Variants in PDXP observed in about 807,000 individuals in gnomAD.
PDXP encodes the protein pyridoxal phosphatase, also known as chronophin.
Under a neutral mutation model 14.4 loss-of-function variants are expected in PDXP, and 15 were observed. The observed-to-expected ratio is 1.04, with a 90% confidence interval of 0.70 to 1.60. PDXP has a LOEUF of 1.60. Among genes scored for constraint, PDXP ranks in the 40% most tolerant of loss-of-function variants. The pLI is 0.00. For missense variants in PDXP, 413 were observed against 427.6 expected (o/e 0.97, Z 0.30); for synonymous variants, 233 against 205.6 (o/e 1.13, Z -1.14).
Position 37,658,960 on chromosome 22 carries a change from A to G in PDXP, c.178A>G (p.Asn60Asp). The change falls in exon 1 of 2, where the codon AAC becomes GAC. Residue 60 changes from asparagine (N) to aspartate (D), a missense_variant. By Grantham distance (23) the Asn-to-Asp change is conservative (BLOSUM62 1). Coordinates refer to ENST00000215904, the MANE Select transcript of PDXP (RefSeq NM_020315.5). The part of the protein sequence containing the change: ...AGKAALFVSN[N>D]SRRARPELAL... ...CAAGGCGGCTCTGTTTGTGAGCAAC[A>G]ACAGCCGGCGCGCGCGGCCCGAGCT... The G allele has an allele frequency of 8.3e-7, 1 of 1,208,528 alleles. No individual in the cohort carries two copies. The highest frequency in any genetic ancestry group is 1.0e-6 in the Non-Finnish European group (1 of 970,972). 74.9% of individuals were successfully genotyped at this position (1,208,528 alleles called of 1,614,324 possible). A position where few individuals can be genotyped will look rare whatever the true frequency, so the allele number is the denominator to read the frequency against.
chr22:37,663,016 A>G (rs985565629), intron 1 of PDXP, among the ~76,000 whole-genome samples: 1 of 144,954 alleles, frequency 6.9e-6, no homozygotes, highest in Admixed American at 6.9e-5. Context: ...AAAGATTACC[A>G]TGGGCCGGTT....
Position 37,659,226 on chromosome 22 carries a change from G to A in PDXP, c.444G>A (p.Val148=), listed in dbSNP as rs748338379. The change falls in exon 1 of 2, where the codon GTG becomes GTA. Residue 148 remains valine (V), a synonymous_variant. Transcript: ENST00000215904. ...GAAPRVRAVL[V]GYDEHFSFAK... is the part of the protein sequence containing the mutation. ...CCCCGCGCGTGCGCGCCGTGCTTGT[G>A]GGCTACGACGAGCACTTCTCCTTCG... 7.6e-7 allele frequency: 1 copy of A among 1,312,234 alleles called. No individual in the cohort carries two copies. Among genetic ancestry groups the A allele is most frequent in the South Asian group, 2.5e-5 (1 of 40,214 alleles). The allele number at this position is 1,312,234 out of a possible 1,614,324, so 81.3% of individuals were successfully genotyped here.
intron 1 of PDXP, among the ~76,000 whole-genome samples, chr22:37,664,751 A>G (rs1216532470): frequency 6.6e-6 from 1 of 152,172 alleles, no homozygotes; most frequent in Admixed American, 6.5e-5. Flanking sequence ...GTGAGGCAGG[A>G]TGGTACTGGG....
intron 1 of PDXP, among the ~76,000 whole-genome samples, chr22:37,661,178 C>T (rs1271893544): frequency 1.3e-5 from 2 of 152,138 alleles, no homozygotes; most frequent in Non-Finnish European, 2.9e-5. Context: ...GCCTTGCAGG[C>T]GTCTGTGGAA....
At chr22:37,662,969 CAG>C (rs1027000442) in intron 1 of PDXP, among the ~76,000 whole-genome samples, 5 of 150,816 alleles carry the variant, frequency 3.3e-5, no homozygotes, top group Admixed American at 6.6e-5. Flanking sequence ...GCCTGGGTGA[CAG>C]AGCGAGACTC....
chr22:37,666,009 G>T lies in PDXP; in HGVS notation c.*138G>T. The T allele has an allele frequency of 1.1e-6, 1 of 905,004 alleles. No homozygotes were observed. Among genetic ancestry groups the T allele is most frequent in the Non-Finnish European group, 1.7e-6 (1 of 596,472 alleles). The allele number at this position is 905,004 out of a possible 1,614,324, so 56.1% of individuals were successfully genotyped here. On this transcript the variant is annotated 3_prime_UTR_variant, in exon 2 of 2. Transcript: ENST00000215904. ...CACCGGGGTGGGGCTGGGACCCGGG[G>T]AAGGTTTGAGGGCCCTTGCAACCCC...
At chr22:37,664,092 G>A (rs1053583731) in intron 1 of PDXP, among the ~76,000 whole-genome samples, 4 of 151,506 alleles carry the variant, frequency 2.6e-5, no homozygotes, top group African/African-American at 9.7e-5. Context: ...CGCCATGCCT[G>A]GCTAATTTTT....
Position 37,658,968 on chromosome 22 carries a change from G to T in PDXP, c.186G>T (p.Arg62=). Residue 62 remains arginine (R), a synonymous_variant, in exon 1 of 2, where the codon CGG becomes CGT. Transcript: ENST00000215904. ...CTCTGTTTGTGAGCAACAACAGCCG[G>T]CGCGCGCGGCCCGAGCTGGCCCTGC... The part of the protein sequence containing the change: ...KAALFVSNNS[R]RARPELALRF... The T allele has an allele frequency of 8.3e-7, 1 of 1,204,268 alleles. No homozygotes were observed. Among genetic ancestry groups the T allele is most frequent in the African/African-American group, 1.6e-5 (1 of 62,404 alleles). 74.6% of individuals were successfully genotyped at this position (1,204,268 alleles called of 1,614,324 possible).
rs1219384483 is a variant in PDXP at position 37,659,145 on chromosome 22, G to C, written c.363G>C (p.Glu121Asp). Reference sequence around the variant, plus strand: ...TGGGCGGCGAGGGGCTGCGCGCCGAGCTGCGCGCCGCGGGGCTGCGCCTGG... The same window carrying C: ...TGGGCGGCGAGGGGCTGCGCGCCGACCTGCGCGCCGCGGGGCTGCGCCTGG... ...FVLGGEGLRA[E>D]LRAAGLRLAG... Residue 121 changes from glutamate to aspartate, a missense_variant, in exon 1 of 2, where the codon GAG becomes GAC. Coordinates refer to ENST00000215904, the MANE Select transcript of PDXP (RefSeq NM_020315.5). The C allele has an allele frequency of 3.9e-6, 4 of 1,029,828 alleles. No homozygotes were observed. In the East Asian group the frequency reaches 3.4e-4, roughly 89 times the overall value. The allele number at this position is 1,029,828 out of a possible 1,614,324, so 63.8% of individuals were successfully genotyped here.
chr22:37,664,464 G>A (rs1921002603), intron 1 of PDXP, among the ~76,000 whole-genome samples: 1 of 152,110 alleles, frequency 6.6e-6, no homozygotes. Flanking sequence ...GAAACAATCT[G>A]TACTCCCAGG....
rs1933127703 is a variant in PDXP, at chr22:37,658,757, C to T, written c.-26C>T. On this transcript the variant is annotated 5_prime_UTR_variant, in exon 1 of 2. Transcript: ENST00000215904. ...CCGTGCCCGCGGAGAGAGCGCGGCGCGGGAGGCCGGCGGCCGGCCGGCTGC... is the reference window on the plus strand; with the variant it reads ...CCGTGCCCGCGGAGAGAGCGCGGCGTGGGAGGCCGGCGGCCGGCCGGCTGC... The T allele has an allele frequency of 8.7e-7, 1 of 1,146,024 alleles. No homozygotes were observed. The allele number at this position is 1,146,024 out of a possible 1,614,324, so 71.0% of individuals were successfully genotyped here. A position where few individuals can be genotyped will look rare whatever the true frequency, so the allele number is the denominator to read the frequency against.
At position 37,659,152 on chromosome 22, in the gene PDXP, G is replaced by A; in HGVS notation, c.370G>A (p.Ala124Thr). The A allele has an allele frequency of 1.9e-6, 2 of 1,046,780 alleles. No homozygotes were observed. The highest frequency in any genetic ancestry group is 2.3e-6 in the Non-Finnish European group (2 of 871,286). 64.8% of individuals were successfully genotyped at this position (1,046,780 alleles called of 1,614,324 possible). ...GGEGLRAELR[A>T]AGLRLAGDPS... The stretch of plus-strand genomic sequence containing the variant: ...CGAGGGGCTGCGCGCCGAGCTGCGC[G>A]CCGCGGGGCTGCGCCTGGCCGGGGA... The change falls in exon 1 of 2, where the codon GCC becomes ACC. Residue 124 changes from alanine (A) to threonine (T), a missense_variant. Physicochemically the swap from Ala to Thr is moderately conservative, Grantham distance 58. Coordinates refer to ENST00000215904, the MANE Select transcript of PDXP (RefSeq NM_020315.5).
chr22:37,663,919 CTT>C lies in PDXP; in HGVS notation c.575-1611_575-1610del, dbSNP rs11335821. Among the ~76,000 whole-genome samples, 55 of 98,256 alleles carry C rather than the reference CTT, an allele frequency of 5.6e-4. No homozygotes were observed. In the East Asian group the frequency reaches 0.01, roughly 18 times the overall value. 64.5% of individuals were successfully genotyped at this position (98,256 alleles called of 152,430 possible). ...TGCAGCTGTGCCTGGAATACGTTGA[CTT>C]TTTTTTTTTTTTTTTTTTTTTTTTG... is the stretch of plus-strand genomic sequence containing the variant. On this transcript the variant is annotated intron_variant, in intron 1 of 1. Coordinates refer to ENST00000215904, the MANE Select transcript of PDXP (RefSeq NM_020315.5).
chr22:37,663,285 C>T (rs1933239488), intron 1 of PDXP, among the ~76,000 whole-genome samples: 1 of 137,998 alleles, frequency 7.2e-6, no homozygotes, highest in South Asian at 2.3e-4. Flanking sequence ...GCCTGGGCAA[C>T]AGAGCGAGAC....
At position 37,659,249 on chromosome 22, in the gene PDXP, T is replaced by G; in HGVS notation, c.467T>G (p.Phe156Cys). 7.5e-7 allele frequency: 1 copy of G among 1,324,906 alleles called. No individual in the cohort carries two copies. Among genetic ancestry groups the G allele is most frequent in the Non-Finnish European group, 9.7e-7 (1 of 1,032,042 alleles). The allele number at this position is 1,324,906 out of a possible 1,614,324, so 82.1% of individuals were successfully genotyped here. ...VLVGYDEHFSFAKLREACAHL... is the reference protein window; with the variant it reads ...VLVGYDEHFSCAKLREACAHL... ...GTGGGCTACGACGAGCACTTCTCCT[T>G]CGCCAAGCTGAGGGAGGCGTGCGCG... The change falls in exon 1 of 2, where the codon TTC becomes TGC. Residue 156 changes from phenylalanine (F) to cysteine (C), a missense_variant. Transcript: ENST00000215904.
rs1185050850 is a variant in PDXP at position 37,665,670 on chromosome 22, C to T, written c.690C>T (p.Pro230=). 8 of 1,614,130 alleles carry T rather than the reference C, an allele frequency of 5.0e-6. No homozygotes were observed. Among genetic ancestry groups the T allele is most frequent in the Middle Eastern group, 1.6e-4 (1 of 6,062 alleles). ...TCACGGAGAACTTCAGCATCGACCC[C>T]GCACGCACGCTTATGGTGGGTGACC... The part of the protein sequence containing the change: ...ECITENFSID[P]ARTLMVGDRL... The change falls in exon 2 of 2, where the codon CCC becomes CCT. Residue 230 remains proline, a synonymous_variant. Coordinates refer to ENST00000215904, the MANE Select transcript of PDXP (RefSeq NM_020315.5).
intron 1 of PDXP, among the ~76,000 whole-genome samples, chr22:37,662,772 G>C (rs1282271429): frequency 6.6e-6 from 1 of 151,074 alleles, no homozygotes; most frequent in East Asian, 2.0e-4. Context: ...TGGATCACTT[G>C]AGGTCAGGAG....
At chr22:37,665,520 G>T (rs375316393) in intron 1 of PDXP, 35 bp from the exon 2 acceptor site, 6 of 1,536,382 alleles carry the variant, frequency 3.9e-6, no homozygotes, top group Non-Finnish European at 5.3e-6. Context: ...TGTCCCTGCC[G>T]CCCTCCTGCT....
chr22:37,663,053 C>T (rs955365193), intron 1 of PDXP, among the ~76,000 whole-genome samples: 1 of 151,822 alleles, frequency 6.6e-6, no homozygotes, highest in African/African-American at 2.4e-5. Flanking sequence ...GTAATCCCAG[C>T]ACTTTGGGAG....
Sources: gnomAD v4.1 joint callset for allele counts (sites outside exome capture counted in the v4.1 genomes callset) on GRCh38, gnomAD v4.1.1 for gene constraint, MANE v1.5 for transcripts, NCBI Gene and HGNC (gene_info 2026-07-23, HGNC 2026-07-21) for gene names.